Variants in ABCG1 observed in about 807,000 individuals in gnomAD.
The protein encoded by ABCG1 is ATP binding cassette subfamily G member 1.
ABCG1 carries 29 observed loss-of-function variants against 69.2 expected under a neutral mutation model. That is an observed-to-expected ratio of 0.42 (90% CI 0.31 to 0.57). The LOEUF is 0.57. Ranked by LOEUF, ABCG1 falls within the 20% of genes least tolerant of loss-of-function variation. The pLI is 0.15. For synonymous variants in ABCG1, 370 were observed against 374.8 expected (o/e 0.99, Z 0.15); for missense variants, 718 against 898.1 (o/e 0.80, Z 2.56).
intron 13 of ABCG1, among the ~76,000 whole-genome samples, chr21:42,293,118 TAC>T (rs2069112266): frequency 5.2e-4 from 24 of 46,378 alleles, no homozygotes; most frequent in African/African-American, 1.9e-3. Flanking sequence ...CACCACACAC[TAC>T]ACACACCACA....
intron 5 of ABCG1, among the ~76,000 whole-genome samples, chr21:42,281,442 G>A (rs565003869): frequency 1.3e-4 from 20 of 152,296 alleles, no homozygotes; most frequent in African/African-American, 3.1e-4. Flanking sequence ...GCTGACCTTC[G>A]TGTTCCCTGA....
intron 2 of ABCG1, among the ~76,000 whole-genome samples, chr21:42,231,371 G>A (rs995212032): frequency 2.0e-5 from 3 of 152,174 alleles, no homozygotes; most frequent in African/African-American, 7.2e-5. Flanking sequence ...ATGGAATGTC[G>A]CCTCCTTCTT....
intron 2 of ABCG1, among the ~76,000 whole-genome samples, chr21:42,248,653 C>T (rs1017126549): frequency 6.6e-6 from 1 of 151,790 alleles, no homozygotes; most frequent in Non-Finnish European, 1.5e-5. Context: ...TTTAGGAGGC[C>T]GAGGCGGGTG....
rs760695559 is a variant in ABCG1, at chr21:42,288,111, C to G, written c.1122+74C>G. On this transcript the variant is annotated intron_variant, in intron 9 of 14. Coordinates refer to ENST00000398449, the MANE Select transcript of ABCG1 (RefSeq NM_016818.3). This position sits in a 1 kb window ranked among gnomAD's most constrained non-coding sequence, Gnocchi z 4.8. ...CCGAAGCCCCCTGGGGGAGGCTGCA[C>G]GTGGCACCGTGCACTGCTGCATGAG... 2 of 1,607,822 alleles carry G rather than the reference C, an allele frequency of 1.2e-6. No homozygotes were observed. The highest frequency in any genetic ancestry group is 1.7e-6 in the Non-Finnish European group (2 of 1,174,906).
Position 42,276,645 on chromosome 21 carries a change from A to G in ABCG1, c.538-250A>G. The stretch of plus-strand genomic sequence containing the variant: ...GGCTAGCTGCATGGTGGCTAGTTGC[A>G]CCGTGGCTAGTGGCCTTATGCCTAG... On this transcript the variant is annotated intron_variant, in intron 4 of 14. Transcript: ENST00000398449. This position sits in a 1 kb window ranked among gnomAD's most constrained non-coding sequence, Gnocchi z 5.3. 1 of 466,126 alleles carries G rather than the reference A, an allele frequency of 2.1e-6. No homozygotes were observed. The highest frequency in any genetic ancestry group is 3.5e-5 in the South Asian group (1 of 28,942). The allele number at this position is 466,126 out of a possible 1,614,324, so 28.9% of individuals were successfully genotyped here. A position where few individuals can be genotyped will look rare whatever the true frequency, so the allele number is the denominator to read the frequency against.
Position 42,296,763 on chromosome 21 carries a change from T to G in ABCG1, c.*371T>G. ...GCACCGTGGGTCCTGGATGGGGAAC[T>G]GCAAGCAGCCTCTCAGCTGATGGCT... On this transcript the variant is annotated 3_prime_UTR_variant, in exon 15 of 15. Coordinates refer to ENST00000398449, the MANE Select transcript of ABCG1 (RefSeq NM_016818.3). The surrounding 1 kb of genome is among the most constrained non-coding windows in gnomAD (Gnocchi z 5.4). 1 of 273,790 alleles carries G rather than the reference T, an allele frequency of 3.7e-6. No individual in the cohort carries two copies. Among genetic ancestry groups the G allele is most frequent in the Non-Finnish European group, 7.1e-6 (1 of 141,140 alleles). 17.0% of individuals were successfully genotyped at this position (273,790 alleles called of 1,614,324 possible).
chr21:42,270,083 AC>A, intron 2 of ABCG1, among the ~76,000 whole-genome samples: 1 of 152,122 alleles, frequency 6.6e-6, no homozygotes, highest in Non-Finnish European at 1.5e-5. Flanking sequence ...ACACGGTGAA[AC>A]CCTGTCTCTA....
intron 2 of ABCG1, among the ~76,000 whole-genome samples, chr21:42,243,871 T>C (rs1464022316): frequency 1.5e-5 from 2 of 135,504 alleles, no homozygotes; most frequent in Non-Finnish European, 3.0e-5. Context: ...CAGGCTGGAG[T>C]GCAGTGGTGC....
At chr21:42,243,612 C>G (rs1203092164) in intron 2 of ABCG1, among the ~76,000 whole-genome samples, 1 of 151,896 alleles carries the variant, frequency 6.6e-6, no homozygotes, top group Non-Finnish European at 1.5e-5. Context: ...GATTTATCCC[C>G]CAGCCAGTTC....
intron 2 of ABCG1, among the ~76,000 whole-genome samples, chr21:42,269,936 C>A (rs1168081616): frequency 6.6e-6 from 1 of 152,186 alleles, no homozygotes; most frequent in Non-Finnish European, 1.5e-5. Context: ...GATTCTTGAT[C>A]ATTTAACAGT....
Position 42,243,272 on chromosome 21 carries a change from G to A in ABCG1, c.286+17358G>A, listed in dbSNP as rs562875683. ...GGCCCCTCCCTCTGCAGGGAGGAGA[G>A]TTAAAGCTCATGTCCTCCAGGGTAC... is the stretch of plus-strand genomic sequence containing the variant. On this transcript the variant is annotated intron_variant, in intron 2 of 14. Transcript: ENST00000398449. 3.7e-4 allele frequency among the ~76,000 whole-genome samples: 57 copies of A among 152,298 alleles called. 1 individual carries two copies. The South Asian group carries it at 0.011, about 28-fold the overall frequency.
intron 2 of ABCG1, among the ~76,000 whole-genome samples, chr21:42,208,766 C>T (rs2067563340): frequency 6.6e-6 from 1 of 152,172 alleles, no homozygotes; most frequent in Admixed American, 6.5e-5. Flanking sequence ...TAGCAATTTT[C>T]CCCTCCCTTT....
At chr21:42,283,677 A>T (rs8130349) in intron 6 of ABCG1, among the ~76,000 whole-genome samples, 3 of 110,410 alleles carry the variant, frequency 2.7e-5, no homozygotes, top group Non-Finnish European at 1.9e-5. Context: ...TGAGTGGGGA[A>T]CCCCCACCTC....
upstream of ABCG1, among the ~76,000 whole-genome samples, chr21:42,214,000 C>A (rs2067614350): frequency 6.6e-6 from 1 of 152,118 alleles, no homozygotes; most frequent in Admixed American, 6.5e-5. Context: ...GTGCCGGGAA[C>A]AATTTAAGAC....
chr21:42,227,345 T>C (rs1393138590), intron 2 of ABCG1, among the ~76,000 whole-genome samples: 1 of 152,222 alleles, frequency 6.6e-6, no homozygotes, highest in East Asian at 1.9e-4. Flanking sequence ...CTTAAAGAAA[T>C]ATTTTATAGA....
chr21:42,239,955 A>G (rs891497375), intron 2 of ABCG1, among the ~76,000 whole-genome samples: 7 of 152,196 alleles, frequency 4.6e-5, no homozygotes, highest in African/African-American at 1.7e-4. Flanking sequence ...GGTGATTGCC[A>G]GGCTTCCAGT....
rs1438662230 is a variant in ABCG1 at position 42,273,369 on chromosome 21, G to A, written c.471G>A (p.Lys157=). The part of the protein sequence containing the change: ...GLPRDLRCFR[K]VSCYIMQDDM... ...CCCGGGACCTGCGCTGCTTCCGGAA[G>A]GTGTCCTGCTACATCATGCAGGATG... Residue 157 remains lysine (K), a synonymous_variant, in exon 4 of 15, where the codon AAG becomes AAA. Coordinates refer to ENST00000398449, the MANE Select transcript of ABCG1 (RefSeq NM_016818.3). This position sits in a 1 kb window ranked among gnomAD's most constrained non-coding sequence, Gnocchi z 5.3. The A allele has an allele frequency of 6.2e-7, 1 of 1,613,806 alleles. No individual in the cohort carries two copies. The highest frequency in any genetic ancestry group is 1.3e-5 in the African/African-American group (1 of 74,926).
At chr21:42,281,866 C>G (rs543687745) in intron 5 of ABCG1, among the ~76,000 whole-genome samples, 1 of 152,202 alleles carries the variant, frequency 6.6e-6, no homozygotes, top group Admixed American at 6.5e-5. Flanking sequence ...AGAAATTGTG[C>G]ATCCTCTCAT....
chr21:42,220,437 C>A (rs2067706927), intron 1 of ABCG1, among the ~76,000 whole-genome samples: 1 of 152,098 alleles, frequency 6.6e-6, no homozygotes, highest in Non-Finnish European at 1.5e-5. Context: ...AAAAAAATAG[C>A]CAGGTTTCTG....
Sources: gnomAD v4.1 joint callset for allele counts (sites outside exome capture counted in the v4.1 genomes callset) on GRCh38, gnomAD v4.1.1 for gene constraint, Gnocchi (gnomAD v3.1) non-coding constraint, MANE v1.5 for transcripts, NCBI Gene and HGNC (gene_info 2026-07-23, HGNC 2026-07-21) for gene names.